The following MMP16 variants were observed in gnomAD, a reference collection of about 807,000 sequenced individuals.
The protein encoded by MMP16 is matrix metallopeptidase 16.
MMP16 carries 12 observed loss-of-function variants against 67.8 expected under a neutral mutation model. The observed-to-expected ratio is 0.18, with a 90% confidence interval of 0.11 to 0.29. The LOEUF (loss-of-function observed/expected upper bound fraction) is 0.29. MMP16 is among the 10% of genes least tolerant of loss of function. The pLI is 1.00. For missense variants in MMP16, 475 were observed against 765.7 expected (o/e 0.62, Z 4.48); for synonymous variants, 249 against 255.9 (o/e 0.97, Z 0.26).
chr8:88,264,039 T>C (rs1382449588), intron 1 of MMP16, among the ~76,000 whole-genome samples: 1 of 101,406 alleles, frequency 9.9e-6, no homozygotes, highest in African/African-American at 3.7e-5. Flanking sequence ...GGCACATATA[T>C]ATATATATAT....
At chr8:88,087,211 T>C (rs1023654650) in intron 6 of MMP16, among the ~76,000 whole-genome samples, 2 of 151,922 alleles carry the variant, frequency 1.3e-5, no homozygotes, top group Admixed American at 1.3e-4. Flanking sequence ...ATGGTCTAAG[T>C]AGGCTGGCCA....
At chr8:88,161,807 G>A (rs968994767) in intron 4 of MMP16, among the ~76,000 whole-genome samples, 5 of 151,884 alleles carry the variant, frequency 3.3e-5, no homozygotes, top group East Asian at 3.9e-4. Context: ...ATTTCGTTAT[G>A]CACCCAATAG....
intron 5 of MMP16, among the ~76,000 whole-genome samples, chr8:88,117,206 T>C (rs550799507): frequency 6.6e-6 from 1 of 152,306 alleles, no homozygotes; most frequent in African/African-American, 2.4e-5. Context: ...CTATTTGATA[T>C]TCTTTTATTG....
At position 88,327,117 on chromosome 8, in the gene MMP16, T is replaced by G. The variant is rs764331119; in HGVS notation, c.90A>C (p.Leu30Phe). 3.7e-6 allele frequency: 6 copies of G among 1,613,934 alleles called. No individual in the cohort carries two copies. The East Asian group carries it at 1.3e-4, about 36-fold the overall frequency. ...VFFLQTLLWI[L>F]CATVCGTEQY... ...GCTCCGTTCCGCAGACTGTAGCACATAAAATCCAAAGCAAGGTTTGCAAGA... is the reference window on the plus strand; with the variant it reads ...GCTCCGTTCCGCAGACTGTAGCACAGAAAATCCAAAGCAAGGTTTGCAAGA... Residue 30 changes from leucine (L) to phenylalanine (F), a missense_variant, in exon 1 of 10, where the codon TTA (leucine) becomes TTC (phenylalanine). Around this residue, in one of 5 missense-constraint regions of MMP16, gnomAD observed 170 missense variants for 239.6 expected, o/e 0.71. Transcript: ENST00000286614.
intron 4 of MMP16, among the ~76,000 whole-genome samples, chr8:88,157,434 T>C (rs949775175): frequency 6.6e-6 from 1 of 151,816 alleles, no homozygotes; most frequent in African/African-American, 2.4e-5. Flanking sequence ...GTCCTCCCGT[T>C]CCCCAAAGAT....
chr8:88,139,069 C>T (rs1808169297), intron 4 of MMP16, among the ~76,000 whole-genome samples: 1 of 152,098 alleles, frequency 6.6e-6, no homozygotes, highest in African/African-American at 2.4e-5. Flanking sequence ...GTTATTTTGT[C>T]ACCAAATAAT....
chr8:88,256,684 T>TCA (rs1337536031), intron 1 of MMP16, among the ~76,000 whole-genome samples: 197 of 150,434 alleles, frequency 1.3e-3, no homozygotes, highest in African/African-American at 4.5e-3. Context: ...TCTCTCTCTC[T>TCA]CACACACACA....
intron 9 of MMP16, among the ~76,000 whole-genome samples, chr8:88,042,794 T>A (rs1193738677): frequency 1.3e-5 from 2 of 152,196 alleles, no homozygotes; most frequent in African/African-American, 2.4e-5. Context: ...TTTTCTTAGG[T>A]CTATTCTCCA....
chr8:88,100,071 G>A (rs969907776), intron 6 of MMP16, among the ~76,000 whole-genome samples: 1 of 151,876 alleles, frequency 6.6e-6, no homozygotes, highest in Non-Finnish European at 1.5e-5. Context: ...TTCTTCTGCT[G>A]TGCAGAAGCT....
intron 4 of MMP16, among the ~76,000 whole-genome samples, chr8:88,152,959 G>A (rs1444830955): frequency 3.0e-5 from 2 of 65,666 alleles, no homozygotes; most frequent in South Asian, 6.1e-4. Flanking sequence ...TGTTTATCTA[G>A]AAAACCCCAT....
At chr8:88,293,696 G>C (rs1277139518) in intron 1 of MMP16, among the ~76,000 whole-genome samples, 1 of 151,968 alleles carries the variant, frequency 6.6e-6, no homozygotes, top group Non-Finnish European at 1.5e-5. Context: ...TATAAAATAG[G>C]TAACTTTTTT....
At chr8:88,148,140 T>G (rs892852919) in intron 4 of MMP16, among the ~76,000 whole-genome samples, 5 of 152,212 alleles carry the variant, frequency 3.3e-5, no homozygotes, top group African/African-American at 1.2e-4. Flanking sequence ...ATTCTTACTA[T>G]TGCATTTCTA....
intron 1 of MMP16, among the ~76,000 whole-genome samples, chr8:88,264,042 A>AC (rs1810434748): frequency 3.1e-5 from 3 of 97,622 alleles, no homozygotes; most frequent in African/African-American, 1.1e-4. Flanking sequence ...ACATATATAT[A>AC]TATATATATA....
intron 3 of MMP16, among the ~76,000 whole-genome samples, chr8:88,184,643 G>A (rs1399584876): frequency 4.5e-5 from 6 of 132,602 alleles, no homozygotes; most frequent in East Asian, 4.6e-4. Flanking sequence ...GCTACTCAAC[G>A]GGCTAAGGCA....
intron 1 of MMP16, among the ~76,000 whole-genome samples, chr8:88,206,347 AT>A (rs1809426336): frequency 6.6e-6 from 1 of 152,178 alleles, no homozygotes; most frequent in South Asian, 2.1e-4. Flanking sequence ...ATAAAAAAAA[AT>A]AAATTCCCAG....
At chr8:88,268,768 C>T (rs541810564) in intron 1 of MMP16, among the ~76,000 whole-genome samples, 49 of 152,284 alleles carry the variant, frequency 3.2e-4, no homozygotes, top group African/African-American at 1.0e-3. Context: ...TGTGTTCCCC[C>T]TTATACCAAT....
At chr8:88,170,588 C>A (rs1808783809) in intron 3 of MMP16, among the ~76,000 whole-genome samples, 1 of 152,142 alleles carries the variant, frequency 6.6e-6, no homozygotes, top group Admixed American at 6.6e-5. Context: ...AGAGATACAG[C>A]TGTGGGCAAG....
chr8:88,092,276 G>A (rs1586146833), intron 6 of MMP16, among the ~76,000 whole-genome samples: 3 of 151,852 alleles, frequency 2.0e-5, no homozygotes, highest in East Asian at 1.9e-4. Flanking sequence ...GATGAAAAAC[G>A]TTATTTAGCT....
rs185044668 is a variant in MMP16, at chr8:88,054,623, A to G, written c.1373+1505T>C. Reference sequence around the variant, plus strand: ...CATTATAGCACAGCCTAGCTTTATTATAACGAATTAAAATCTATGAGCATT... The same window carrying G: ...CATTATAGCACAGCCTAGCTTTATTGTAACGAATTAAAATCTATGAGCATT... On this transcript the variant is annotated intron_variant, in intron 8 of 9. Coordinates refer to ENST00000286614, the MANE Select transcript of MMP16 (RefSeq NM_005941.5). Among the ~76,000 whole-genome samples the G allele has an allele frequency of 2.9e-3, 446 of 152,312 alleles. 1 individual carries two copies. The highest frequency in any genetic ancestry group is 0.01 in the African/African-American group (432 of 41,572).
Sources: gnomAD v4.1 joint callset for allele counts (sites outside exome capture counted in the v4.1 genomes callset) on GRCh38, gnomAD v4.1.1 for gene constraint, gnomAD v4.1.1 regional missense constraint, MANE v1.5 for transcripts, NCBI Gene and HGNC (gene_info 2026-07-23, HGNC 2026-07-21) for gene names.